FRAS1: variants seen among roughly 807,000 people sequenced by gnomAD.
The protein encoded by FRAS1 is Fraser extracellular matrix complex subunit 1, also known as extracellular matrix organizing protein FRAS1.
Under a neutral mutation model 435.2 loss-of-function variants are expected in FRAS1, and 290 were observed. The ratio of observed to expected loss-of-function variants is 0.67; its 90% confidence interval spans 0.61 to 0.73. The LOEUF is 0.73. Ranked by LOEUF, FRAS1 falls within the 30% of genes least tolerant of loss-of-function variation. FRAS1 has a pLI of 0.00. For missense variants in FRAS1, 4,860 were observed against 5,001.5 expected (o/e 0.97, Z 0.85); for synonymous variants, 1,800 against 1,851.0 (o/e 0.97, Z 0.71).
intron 2 of FRAS1, among the ~76,000 whole-genome samples, chr4:78,138,322 A>G (rs1349828310): frequency 6.6e-6 from 1 of 152,204 alleles, no homozygotes; most frequent in Non-Finnish European, 1.5e-5. Flanking sequence ...CCATAGAAGC[A>G]TTTAGGTCCA....
chr4:78,372,534 C>G (rs1731555851), intron 23 of FRAS1, among the ~76,000 whole-genome samples, 184 bp from the exon 24 acceptor site: 1 of 152,184 alleles, frequency 6.6e-6, no homozygotes, highest in Non-Finnish European at 1.5e-5. Flanking sequence ...TTAGGGAACA[C>G]TTAAACCTCA....
chr4:78,117,550 A>T (rs1407966687), intron 2 of FRAS1, among the ~76,000 whole-genome samples: 3 of 151,934 alleles, frequency 2.0e-5, no homozygotes, highest in African/African-American at 7.3e-5. Context: ...CTTTTTCTCT[A>T]AACTTCTCTT....
chr4:78,519,614 A>C, intron 67 of FRAS1, 133 bp downstream of exon 67: 2 of 994,586 alleles, frequency 2.0e-6, no homozygotes, highest in Non-Finnish European at 3.0e-6. Context: ...GGGCCACCTC[A>C]AAGTGCAGAT....
At chr4:78,221,510 TCTAA>T (rs1419827054) in intron 2 of FRAS1, among the ~76,000 whole-genome samples, 2 of 152,220 alleles carry the variant, frequency 1.3e-5, no homozygotes, top group African/African-American at 4.8e-5. Flanking sequence ...GTTTATAAGA[TCTAA>T]CTGTTATCTC....
chr4:78,133,631 C>G (rs902874890), intron 2 of FRAS1, among the ~76,000 whole-genome samples: 34 of 152,052 alleles, frequency 2.2e-4, no homozygotes, highest in Non-Finnish European at 4.0e-4. Context: ...TCTCATGTAC[C>G]CCATAAATAT....
At chr4:78,501,680 T>C (rs1411250247) in intron 61 of FRAS1, among the ~76,000 whole-genome samples, 1 of 152,210 alleles carries the variant, frequency 6.6e-6, no homozygotes, top group Non-Finnish European at 1.5e-5. Context: ...AGACGGTATC[T>C]CATTGTGGTT....
intron 47 of FRAS1, among the ~76,000 whole-genome samples, chr4:78,462,115 CCT>C (rs35298730): frequency 0.33 from 49,494 of 152,018 alleles, 8,766 homozygotes; most frequent in Admixed American, 0.41. Context: ...TGCTTGTAAT[CCT>C]CTAGCACTTT....
At chr4:78,266,422 G>A (rs1170445736) in intron 7 of FRAS1, among the ~76,000 whole-genome samples, 1 of 152,198 alleles carries the variant, frequency 6.6e-6, no homozygotes, top group Non-Finnish European at 1.5e-5. Context: ...GTCCCCTCCG[G>A]TTGGACAGTG....
chr4:78,259,704 T>C (rs1450098568), intron 6 of FRAS1, among the ~76,000 whole-genome samples: 1 of 147,588 alleles, frequency 6.8e-6, no homozygotes, highest in Non-Finnish European at 1.5e-5. Flanking sequence ...AGAAGCTCTT[T>C]AGTTTAATGA....
chr4:78,329,558 C>A (rs891281175), intron 18 of FRAS1, among the ~76,000 whole-genome samples: 1 of 152,168 alleles, frequency 6.6e-6, no homozygotes, highest in African/African-American at 2.4e-5. Context: ...AACAAGGCAT[C>A]GATCAGAAAT....
At chr4:78,139,607 G>T (rs1720075251) in intron 2 of FRAS1, among the ~76,000 whole-genome samples, 1 of 152,052 alleles carries the variant, frequency 6.6e-6, no homozygotes, top group Admixed American at 6.5e-5. Context: ...TCCACAGTGG[G>T]ATACTTCATT....
intron 13 of FRAS1, 46 bp downstream of exon 13, chr4:78,284,594 T>A: frequency 6.5e-7 from 1 of 1,527,386 alleles, no homozygotes; most frequent in Non-Finnish European, 8.8e-7. Context: ...GTGTGGGAGA[T>A]AGACTCATCA....
At chr4:78,439,233 A>G (rs1350039165) in intron 40 of FRAS1, among the ~76,000 whole-genome samples, 169 bp downstream of exon 40, 2 of 152,236 alleles carry the variant, frequency 1.3e-5, no homozygotes, top group South Asian at 2.1e-4. Context: ...TTTTTTAAGT[A>G]TGAAAATAAA....
Position 78,057,791 on chromosome 4 carries a change from C to T in FRAS1, c.-219C>T, listed in dbSNP as rs959296649. On this transcript the variant is annotated 5_prime_UTR_variant, in exon 1 of 74. Coordinates refer to ENST00000512123, the MANE Select transcript of FRAS1 (RefSeq NM_025074.7). The surrounding 1 kb of genome is among the most constrained non-coding windows in gnomAD (Gnocchi z 4.2). Reference sequence around the variant, plus strand: ...CTTGCGGGGGAACTCGGCGCGCTCTCTGCCTGAGCAGCGAGTGAATTGAAC... The same window carrying T: ...CTTGCGGGGGAACTCGGCGCGCTCTTTGCCTGAGCAGCGAGTGAATTGAAC... 1.8e-6 allele frequency: 1 copy of T among 557,514 alleles called. No individual in the cohort carries two copies. The highest frequency in any genetic ancestry group is 1.9e-5 in the African/African-American group (1 of 52,864). The allele number at this position is 557,514 out of a possible 1,614,324, so 34.5% of individuals were successfully genotyped here.
rs749627509 is a variant in FRAS1 at position 78,540,838 on chromosome 4, T to C, written c.11753T>C (p.Leu3918Pro). The C allele has an allele frequency of 1.9e-6, 3 of 1,614,022 alleles. No homozygotes were observed. The South Asian group carries it at 3.3e-5, about 18-fold the overall frequency. The change falls in exon 74 of 74, where the codon CTG (leucine) becomes CCG (proline). Residue 3918 changes from leucine to proline, a missense_variant. Coordinates refer to ENST00000512123, the MANE Select transcript of FRAS1 (RefSeq NM_025074.7). ...CTGGCTGCAATCATGCTTCTACTTC[T>C]GGTGTTTTTGGTGGCTTGTTTTATC... Reference protein sequence around the residue: ...SALAAIMLLLLVFLVACFINR... With the variant: ...SALAAIMLLLPVFLVACFINR...
In FRAS1 at chr4:78,511,428, C is replaced by T. The variant is rs777282751; in HGVS notation, c.9935C>T (p.Thr3312Ile). The change falls in exon 64 of 74, where the codon ACA (threonine) becomes ATA (isoleucine). Residue 3312 changes from threonine to isoleucine, a missense_variant. Physicochemically the swap from Thr to Ile is moderately conservative, Grantham distance 89. Transcript: ENST00000512123. The part of the protein sequence containing the change: ...AICHTPVVAG[T>I]SRGFQAQSFI... Reference sequence around the variant, plus strand: ...TGCCACACACCAGTGGTGGCTGGGACATCCAGAGGCTTCCAGGCTCAGTCC... The same window carrying T: ...TGCCACACACCAGTGGTGGCTGGGATATCCAGAGGCTTCCAGGCTCAGTCC... 1 of 1,613,926 alleles carries T rather than the reference C, an allele frequency of 6.2e-7. No homozygotes were observed. The highest frequency in any genetic ancestry group is 1.7e-5 in the Admixed American group (1 of 60,024).
chr4:78,297,320 C>A (rs1728184341), intron 14 of FRAS1, among the ~76,000 whole-genome samples: 1 of 152,150 alleles, frequency 6.6e-6, no homozygotes, highest in Non-Finnish European at 1.5e-5. Context: ...CAAACAGCCA[C>A]AGAAAAGAGG....
intron 32 of FRAS1, among the ~76,000 whole-genome samples, chr4:78,415,438 TA>T (rs1334028132): frequency 1.3e-5 from 2 of 152,228 alleles, no homozygotes; most frequent in African/African-American, 4.8e-5. Context: ...CAGTGTTTTC[TA>T]ATTCAGTGGA....
chr4:78,373,690 G>A (rs1428912243), intron 24 of FRAS1, among the ~76,000 whole-genome samples: 2 of 151,784 alleles, frequency 1.3e-5, no homozygotes, highest in Admixed American at 1.3e-4. Context: ...AGCCAGAATC[G>A]CTTGAACCCG....
Sources: gnomAD v4.1 joint callset for allele counts (sites outside exome capture counted in the v4.1 genomes callset) on GRCh38, gnomAD v4.1.1 for gene constraint, Gnocchi (gnomAD v3.1) non-coding constraint, MANE v1.5 for transcripts, NCBI Gene and HGNC (gene_info 2026-07-23, HGNC 2026-07-21) for gene names.